Variants in SPSB4 observed in about 807,000 individuals in gnomAD.
SPSB4 encodes the protein SPRY domain-containing SOCS box protein 4.
Under a neutral mutation model 20.9 loss-of-function variants are expected in SPSB4, and 21 were observed. That is an observed-to-expected ratio of 1.01 (90% CI 0.71 to 1.45). The LOEUF is 1.45. Among genes scored for constraint, SPSB4 ranks in the 40% most tolerant of loss-of-function variants. SPSB4 has a pLI of 0.00. For missense variants in SPSB4, 399 were observed against 399.2 expected (o/e 1.00, Z 0.00); for synonymous variants, 207 against 183.8 (o/e 1.13, Z -1.02).
intron 2 of SPSB4, among the ~76,000 whole-genome samples, chr3:141,124,496 G>A (rs1387277916): frequency 6.6e-6 from 1 of 152,238 alleles, no homozygotes; most frequent in Non-Finnish European, 1.5e-5. Flanking sequence ...ATGAGGATGT[G>A]GAGAAGGGCT....
intron 2 of SPSB4, among the ~76,000 whole-genome samples, chr3:141,146,766 T>C (rs1332789591): frequency 7.1e-6 from 1 of 140,994 alleles, no homozygotes; most frequent in Non-Finnish European, 1.5e-5. Context: ...AGAGCAAGAC[T>C]CCATCTAAAA....
At chr3:141,085,490 A>G (rs1377752193) in intron 2 of SPSB4, among the ~76,000 whole-genome samples, 1 of 152,204 alleles carries the variant, frequency 6.6e-6, no homozygotes, top group Admixed American at 6.5e-5. Context: ...CATTGCACCC[A>G]CATTCCAGGC....
chr3:141,086,715 A>G (rs1938348923), intron 2 of SPSB4, among the ~76,000 whole-genome samples: 1 of 152,258 alleles, frequency 6.6e-6, no homozygotes, highest in Non-Finnish European at 1.5e-5. Flanking sequence ...GTCCTGACAC[A>G]TAGGACATAC....
chr3:141,105,401 C>T (rs1473058788), intron 2 of SPSB4, among the ~76,000 whole-genome samples: 1 of 152,162 alleles, frequency 6.6e-6, no homozygotes, highest in Non-Finnish European at 1.5e-5. Context: ...ATTGGTAGAT[C>T]TGCTTCCCTT....
At chr3:141,100,588 A>C (rs1938599962) in intron 2 of SPSB4, among the ~76,000 whole-genome samples, 8 of 152,180 alleles carry the variant, frequency 5.3e-5, no homozygotes. Context: ...GTGAGGCAAT[A>C]AATTTCTGTG....
chr3:141,081,271 C>T (rs915654573), intron 2 of SPSB4, among the ~76,000 whole-genome samples: 6 of 152,216 alleles, frequency 3.9e-5, no homozygotes, highest in Admixed American at 3.9e-4. Context: ...AGACACGGCT[C>T]GTGGCTGCCC....
chr3:141,112,644 C>CAAAAAAAA (rs60396514), intron 2 of SPSB4, among the ~76,000 whole-genome samples: 1,328 of 32,780 alleles, frequency 0.041, 49 homozygotes, highest in Non-Finnish European at 0.058. Context: ...GACTCCGTCT[C>CAAAAAAAA]AAAAAAAAAA....
chr3:141,108,348 G>A (rs761252353), intron 2 of SPSB4, among the ~76,000 whole-genome samples: 4 of 152,192 alleles, frequency 2.6e-5, no homozygotes, highest in Non-Finnish European at 4.4e-5. Context: ...GCTGCTGGGC[G>A]CATGTACTGA....
At chr3:141,134,018 C>CT (rs1228757184) in intron 2 of SPSB4, among the ~76,000 whole-genome samples, 74 of 56,454 alleles carry the variant, frequency 1.3e-3, no homozygotes, top group Admixed American at 3.4e-3. Flanking sequence ...AGTATTTTTC[C>CT]TTTTTTTTTT....
chr3:141,062,756 A>C (rs1328604304), intron 1 of SPSB4, among the ~76,000 whole-genome samples: 1 of 151,998 alleles, frequency 6.6e-6, no homozygotes, highest in African/African-American at 2.4e-5. Context: ...ATACTGTATT[A>C]TTTTTGCTTT....
At position 141,138,391 on chromosome 3, in the gene SPSB4, T is replaced by A. The variant is rs547640413; in HGVS notation, c.695-8751T>A. On this transcript the variant is annotated intron_variant, in intron 2 of 2. Transcript: ENST00000310546. ...CCTTCTGCTAGCTTTTGAATGTGTT[T>A]GCTCTTGCTTCTTTAGTTCTTTTAA... Among the ~76,000 whole-genome samples, 851 of 152,358 alleles carry A rather than the reference T, an allele frequency of 5.6e-3. 13 individuals are homozygous for A. The highest frequency in any genetic ancestry group is 5.9e-3 in the Non-Finnish European group (404 of 68,038).
chr3:141,093,601 G>A (rs1938496811), intron 2 of SPSB4, among the ~76,000 whole-genome samples: 1 of 152,154 alleles, frequency 6.6e-6, no homozygotes, highest in Non-Finnish European at 1.5e-5. Context: ...AGCCAGTGAA[G>A]CTTCCGGTTC....
Position 141,123,890 on chromosome 3 carries a change from C to T in SPSB4, c.695-23252C>T, listed in dbSNP as rs560415174. ...AGCATGTCCAACCATTGTGCAGCTC[C>T]CTGGGGCAGGTTCCAAGTTAAACAC... On this transcript the variant is annotated intron_variant, in intron 2 of 2. Coordinates refer to ENST00000310546, the MANE Select transcript of SPSB4 (RefSeq NM_080862.3). Among the ~76,000 whole-genome samples, 4 of 152,318 alleles carry T rather than the reference C, an allele frequency of 2.6e-5. No homozygotes were observed. In the East Asian group the frequency reaches 7.7e-4, roughly 29 times the overall value.
At chr3:141,070,787 A>G (rs1029909068) in intron 2 of SPSB4, among the ~76,000 whole-genome samples, 2 of 152,252 alleles carry the variant, frequency 1.3e-5, no homozygotes, top group African/African-American at 2.4e-5. Flanking sequence ...AGAGAGCTTG[A>G]GTAAGTTGCT....
intron 2 of SPSB4, among the ~76,000 whole-genome samples, chr3:141,098,926 C>T (rs928844414): frequency 2.6e-5 from 4 of 152,178 alleles, no homozygotes; most frequent in African/African-American, 7.2e-5. Flanking sequence ...TGGCATCCGG[C>T]GAGGGTCATC....
intron 2 of SPSB4, among the ~76,000 whole-genome samples, chr3:141,089,053 A>G (rs1938401884): frequency 6.6e-6 from 1 of 152,216 alleles, no homozygotes; most frequent in Non-Finnish European, 1.5e-5. Context: ...TTCATGATTG[A>G]ATGAAACATT....
chr3:141,062,140 G>A (rs1230555522), intron 1 of SPSB4, among the ~76,000 whole-genome samples: 2 of 152,160 alleles, frequency 1.3e-5, no homozygotes, highest in Non-Finnish European at 2.9e-5. Flanking sequence ...TCAGACTTTG[G>A]TTCCGATGAC....
At chr3:141,082,579 G>A (rs1418585259) in intron 2 of SPSB4, among the ~76,000 whole-genome samples, 2 of 152,176 alleles carry the variant, frequency 1.3e-5, no homozygotes, top group Admixed American at 6.5e-5. Context: ...AAAAGCCAAA[G>A]TAACCATTTG....
At chr3:141,145,737 T>C (rs1304679093) in intron 2 of SPSB4, among the ~76,000 whole-genome samples, 1 of 152,188 alleles carries the variant, frequency 6.6e-6, no homozygotes, top group Non-Finnish European at 1.5e-5. Flanking sequence ...GTACAAACCA[T>C]ACCAGATGCC....
Sources: allele counts gnomAD v4.1 joint callset (sites outside exome capture counted in the v4.1 genomes callset), GRCh38; gene constraint gnomAD v4.1.1; transcripts MANE v1.5; gene names NCBI Gene and HGNC (gene_info 2026-07-23, HGNC 2026-07-21).